Variants in SETD2 observed in about 807,000 individuals in gnomAD.
SETD2 encodes SET domain containing 2, histone lysine methyltransferase.
A neutral mutation model predicts 242.1 loss-of-function variants in SETD2; 31 were observed. That is an observed-to-expected ratio of 0.13 (90% CI 0.10 to 0.17). The LOEUF (loss-of-function observed/expected upper bound fraction) is 0.17. SETD2 is among the 10% of genes least tolerant of loss of function. The pLI, the probability that SETD2 is intolerant of heterozygous loss-of-function variation, is 1.00. For synonymous variants in SETD2, 1,006 were observed against 1,066.5 expected, an observed-to-expected ratio of 0.94 and a Z score of 1.11; for missense variants, 2,481 against 3,046.3, an observed-to-expected ratio of 0.81 and a Z score of 4.37.
intron 1 of SETD2, among the ~76,000 whole-genome samples, chr3:47,137,093 T>A (rs1378843134): frequency 6.6e-6 from 1 of 152,208 alleles, no homozygotes; most frequent in African/African-American, 2.4e-5. Flanking sequence ...ATAATTTTTT[T>A]AAAAAGATGA....
chr3:47,048,478 GGTGA>G (rs1472757646), intron 15 of SETD2, among the ~76,000 whole-genome samples: 1 of 152,116 alleles, frequency 6.6e-6, no homozygotes, highest in Non-Finnish European at 1.5e-5. Context: ...GTAAGTGAGT[GGTGA>G]GTGAGTGAAT....
rs774308278 is a variant in SETD2 at position 47,017,677 on chromosome 3, T to C, written c.7494A>G (p.Arg2498=). 6.2e-7 allele frequency: 1 copy of C among 1,614,024 alleles called. No individual in the cohort carries two copies. Among genetic ancestry groups the C allele is most frequent in the South Asian group, 1.1e-5 (1 of 91,084 alleles). Reference sequence around the variant, plus strand: ...GTTTAAAGTCTTCAGTTGTGGTAATTCTTCCCACTTTGCAGTCAGGTTTCC... The same window carrying C: ...GTTTAAAGTCTTCAGTTGTGGTAATCCTTCCCACTTTGCAGTCAGGTTTCC... ...PYRKPDCKVG[R]ITTTEDFKHL... The change falls in exon 20 of 21, where the codon AGA becomes AGG. Residue 2498 remains arginine (R), a synonymous_variant. Transcript: ENST00000409792. The surrounding 1 kb of genome is among the most constrained non-coding windows in gnomAD (Gnocchi z 4.8).
At chr3:47,035,163 T>C (rs1181187075) in intron 18 of SETD2, among the ~76,000 whole-genome samples, 1 of 152,214 alleles carries the variant, frequency 6.6e-6, no homozygotes, top group Non-Finnish European at 1.5e-5. Flanking sequence ...AATGTGTAAT[T>C]ACCTTGGGAC....
chr3:47,083,910 T>A lies in SETD2; in HGVS notation c.5870A>T (p.Asp1957Val). 6.2e-7 allele frequency: 1 copy of A among 1,614,212 alleles called. No individual in the cohort carries two copies. Among genetic ancestry groups the A allele is most frequent in the Non-Finnish European group, 8.5e-7 (1 of 1,180,034 alleles). ...SKLPTSEPEA[D>V]AEIEPKESNG... ...GCTCTCTTTGGGCTCTATTTCAGCG[T>A]CAGCTTCTGGTTCAGATGTAGGTAG... The change falls in exon 12 of 21, where the codon GAC (aspartate) becomes GTC (valine). Residue 1957 changes from aspartate (D) to valine (V), a missense_variant. Transcript: ENST00000409792.
chr3:47,108,221 G>T (rs1372454678), intron 5 of SETD2, among the ~76,000 whole-genome samples: 2 of 152,020 alleles, frequency 1.3e-5, no homozygotes, highest in East Asian at 3.8e-4. Flanking sequence ...TAAATGTGGT[G>T]ACTACAAAAC....
intron 5 of SETD2, among the ~76,000 whole-genome samples, chr3:47,106,934 A>G (rs1177275881): frequency 6.6e-6 from 1 of 152,180 alleles, no homozygotes; most frequent in Admixed American, 6.5e-5. Flanking sequence ...CCTTTATGTA[A>G]TGACATTCTC....
chr3:47,086,337 C>A (rs373138775), intron 10 of SETD2, 23 bp from the exon 11 acceptor site: 3 of 1,606,884 alleles, frequency 1.9e-6, no homozygotes, highest in Non-Finnish European at 1.7e-6. Context: ...AAGGGAGACA[C>A]GATGCAGAGC....
intron 17 of SETD2, among the ~76,000 whole-genome samples, chr3:47,040,002 A>T (rs1267862581): frequency 6.6e-6 from 1 of 151,748 alleles, no homozygotes; most frequent in East Asian, 1.9e-4. Context: ...TTTGAGATAG[A>T]GTCTCACTCT....
At chr3:47,034,719 A>C (rs992483073) in intron 18 of SETD2, among the ~76,000 whole-genome samples, 3 of 152,220 alleles carry the variant, frequency 2.0e-5, no homozygotes, top group Non-Finnish European at 4.4e-5. Context: ...CCCTCAGTTT[A>C]CCACTTAACA....
chr3:47,113,818 G>T (rs536447637), intron 5 of SETD2, 58 bp downstream of exon 5: 1 of 1,560,060 alleles, frequency 6.4e-7, no homozygotes, highest in African/African-American at 1.4e-5. Flanking sequence ...CAGTCTGGGT[G>T]AAAGAGTGAG....
intron 1 of SETD2, among the ~76,000 whole-genome samples, chr3:47,149,697 T>C (rs1022023741): frequency 1.3e-5 from 2 of 152,200 alleles, no homozygotes; most frequent in Non-Finnish European, 2.9e-5. Flanking sequence ...CAGATATCCC[T>C]GCCATAGCAC....
chr3:47,086,363 C>T (rs1339465238), intron 10 of SETD2, 49 bp from the exon 11 acceptor site: 1 of 1,589,896 alleles, frequency 6.3e-7, no homozygotes, highest in Admixed American at 1.7e-5. Context: ...GAGGCAATAT[C>T]AGAATATTAC....
chr3:47,084,252 T>C lies in SETD2; in HGVS notation c.5528A>G (p.Tyr1843Cys). 1 of 1,614,148 alleles carries C rather than the reference T, an allele frequency of 6.2e-7. No individual in the cohort carries two copies. Among genetic ancestry groups the C allele is most frequent in the South Asian group, 1.1e-5 (1 of 91,084 alleles). ...AVPPLSEGDG[Y>C]SSENTSRAHT... Reference sequence around the variant, plus strand: ...AGCACGCGATGTATTCTCACTAGAATACCCATCTCCTTCACTCAACGGAGG... The same window carrying C: ...AGCACGCGATGTATTCTCACTAGAACACCCATCTCCTTCACTCAACGGAGG... Residue 1843 changes from tyrosine to cysteine, a missense_variant, in exon 12 of 21, where the codon TAT (tyrosine) becomes TGT (cysteine). By Grantham distance (194) the Tyr-to-Cys change is radical (BLOSUM62 -2). Transcript: ENST00000409792.
intron 12 of SETD2, among the ~76,000 whole-genome samples, chr3:47,074,215 AATTTT>A (rs1235776626): frequency 6.6e-6 from 1 of 152,198 alleles, no homozygotes; most frequent in African/African-American, 2.4e-5. Flanking sequence ...TAATGCTGCC[AATTTT>A]ATTTTAAAAA....
At chr3:47,061,605 A>C (rs183763399) in intron 14 of SETD2, among the ~76,000 whole-genome samples, 1 of 152,212 alleles carries the variant, frequency 6.6e-6, no homozygotes, top group Admixed American at 6.5e-5. Context: ...ATACTTTAAA[A>C]CTAAAAAATT....
intron 12 of SETD2, among the ~76,000 whole-genome samples, chr3:47,067,619 T>C (rs1256642738): frequency 6.6e-6 from 1 of 151,984 alleles, no homozygotes; most frequent in East Asian, 1.9e-4. Context: ...TTTATCACAT[T>C]GCCCAGGCTG....
intron 1 of SETD2, among the ~76,000 whole-genome samples, chr3:47,160,101 C>T (rs1697444881): frequency 2.0e-5 from 3 of 151,966 alleles, no homozygotes; most frequent in Non-Finnish European, 4.4e-5. Context: ...AAACTATTCC[C>T]TCTTATTGAA....
At chr3:47,094,333 A>G (rs1325808802) in intron 9 of SETD2, among the ~76,000 whole-genome samples, 1 of 152,268 alleles carries the variant, frequency 6.6e-6, no homozygotes, top group Non-Finnish European at 1.5e-5. Flanking sequence ...GGTTAAGGAA[A>G]GAAGCTGTAT....
chr3:47,079,360 C>T (rs559732307), intron 12 of SETD2, among the ~76,000 whole-genome samples: 2 of 152,246 alleles, frequency 1.3e-5, no homozygotes, highest in South Asian at 4.2e-4. Flanking sequence ...CTTGGAAATT[C>T]TATAATGTAT....
Sources: gnomAD v4.1 joint callset for allele counts (sites outside exome capture counted in the v4.1 genomes callset) on GRCh38, gnomAD v4.1.1 for gene constraint, Gnocchi (gnomAD v3.1) non-coding constraint, MANE v1.5 for transcripts, NCBI Gene and HGNC (gene_info 2026-07-23, HGNC 2026-07-21) for gene names.